Variants in KDM4C observed in about 807,000 individuals in gnomAD.
The protein encoded by KDM4C is lysine demethylase 4C, also known as lysine-specific demethylase 4C.
Under a neutral mutation model 129.3 loss-of-function variants are expected in KDM4C, and 81 were observed. The ratio of observed to expected loss-of-function variants is 0.63; its 90% confidence interval spans 0.52 to 0.75. The LOEUF is 0.75. Among genes scored for constraint, KDM4C ranks in the 30% least tolerant of loss-of-function variants. The pLI is 0.00. For missense variants in KDM4C, 1,457 were observed against 1,304.0 expected, an observed-to-expected ratio of 1.12 and a Z score of -1.81; for synonymous variants, 573 against 456.1, an observed-to-expected ratio of 1.26 and a Z score of -3.26.
intron 4 of KDM4C, among the ~76,000 whole-genome samples, chr9:6,838,620 T>G (rs1209259768): frequency 6.6e-6 from 1 of 152,238 alleles, no homozygotes; most frequent in Non-Finnish European, 1.5e-5. Context: ...GAATTATTTT[T>G]CTTTCAAAAC....
At chr9:6,917,877 C>G (rs1820610952) in intron 8 of KDM4C, among the ~76,000 whole-genome samples, 1 of 152,170 alleles carries the variant, frequency 6.6e-6, no homozygotes, top group Admixed American at 6.5e-5. Context: ...ACCCCAGCCC[C>G]TCTTGCAACT....
At chr9:6,917,665 G>T (rs1199445190) in intron 8 of KDM4C, among the ~76,000 whole-genome samples, 1 of 152,098 alleles carries the variant, frequency 6.6e-6, no homozygotes, top group African/African-American at 2.4e-5. Context: ...GAGTTCGTTG[G>T]CTCTCCCTCT....
intron 1 of KDM4C, among the ~76,000 whole-genome samples, chr9:6,736,934 C>T (rs905440587): frequency 2.6e-5 from 4 of 151,236 alleles, no homozygotes; most frequent in African/African-American, 9.7e-5. Context: ...ACATGTAGTC[C>T]CAGATACTTG....
intron 18 of KDM4C, among the ~76,000 whole-genome samples, chr9:7,108,039 C>A (rs1837895402): frequency 1.3e-5 from 2 of 152,134 alleles, no homozygotes; most frequent in African/African-American, 4.8e-5. Flanking sequence ...TTCACATATG[C>A]ACCTTATTCA....
chr9:7,055,441 A>T (rs749374337), intron 17 of KDM4C, among the ~76,000 whole-genome samples: 25 of 152,204 alleles, frequency 1.6e-4, no homozygotes, highest in Non-Finnish European at 7.3e-5. Context: ...AGTGAAGAAC[A>T]TTATTTTGAA....
intron 17 of KDM4C, chr9:7,076,301 C>A (rs1587481876): frequency 4.9e-6 from 3 of 606,550 alleles, no homozygotes; most frequent in African/African-American, 3.7e-5. Context: ...ACAGTTTATT[C>A]AAGGAATACA....
rs1318926922 is a variant in KDM4C, at chr9:6,990,411, A to G, written c.1678-5A>G. On this transcript the variant is annotated splice_polypyrimidine_tract_variant and splice_region_variant and intron_variant, in intron 11 of 21. Coordinates refer to ENST00000381309, the MANE Select transcript of KDM4C (RefSeq NM_015061.6). The stretch of plus-strand genomic sequence containing the variant: ...ATTTCTCCACCATTTTTGTTCTATA[A>G]CTAGATAGCAGAGGGAGAGAACAAA... 3.1e-6 allele frequency: 5 copies of G among 1,595,658 alleles called. No individual in the cohort carries two copies. The highest frequency in any genetic ancestry group is 1.1e-5 in the South Asian group (1 of 89,960).
intron 8 of KDM4C, among the ~76,000 whole-genome samples, chr9:6,980,331 A>G (rs1033644832): frequency 1.3e-5 from 2 of 152,066 alleles, no homozygotes; most frequent in African/African-American, 2.4e-5. Context: ...CCTTTACCCC[A>G]TGTCTTCATT....
At chr9:6,963,950 G>C (rs1240491653) in intron 8 of KDM4C, among the ~76,000 whole-genome samples, 2 of 152,150 alleles carry the variant, frequency 1.3e-5, no homozygotes, top group Admixed American at 6.5e-5. Flanking sequence ...TTTGAAAAAT[G>C]GTTAGAAAGC....
chr9:6,953,683 A>G (rs1472534070), intron 8 of KDM4C, among the ~76,000 whole-genome samples: 1 of 152,240 alleles, frequency 6.6e-6, no homozygotes, highest in Non-Finnish European at 1.5e-5. Flanking sequence ...ATCCTCAGAT[A>G]TGATTTGTGA....
At chr9:6,842,718 A>T (rs1484187364) in intron 4 of KDM4C, among the ~76,000 whole-genome samples, 1 of 152,198 alleles carries the variant, frequency 6.6e-6, no homozygotes, top group Non-Finnish European at 1.5e-5. Context: ...ATCTGGCAGC[A>T]TTCCCAGTGA....
chr9:6,868,192 A>T (rs1041942882), intron 5 of KDM4C, among the ~76,000 whole-genome samples: 2 of 151,984 alleles, frequency 1.3e-5, no homozygotes, highest in Non-Finnish European at 2.9e-5. Context: ...GAAAGAACTC[A>T]GCTCGAGCTT....
chr9:6,738,135 A>AAAACTAAGCTAAACT (rs1398432268), intron 1 of KDM4C, among the ~76,000 whole-genome samples: 12 of 142,302 alleles, frequency 8.4e-5, no homozygotes, highest in African/African-American at 2.9e-4. Context: ...CTCCCTCTCA[A>AAAACTAAGCTAAACT]AAACTAAACT....
chr9:7,174,803 G>C lies in KDM4C; in HGVS notation c.*74G>C. 2.2e-6 allele frequency: 3 copies of C among 1,352,390 alleles called. No individual in the cohort carries two copies. The highest frequency in any genetic ancestry group is 4.6e-5 in the East Asian group (2 of 43,286). The allele number at this position is 1,352,390 out of a possible 1,614,324, so 83.8% of individuals were successfully genotyped here. On this transcript the variant is annotated 3_prime_UTR_variant, in exon 22 of 22. Coordinates refer to ENST00000381309, the MANE Select transcript of KDM4C (RefSeq NM_015061.6). ...AAGATGAAGGGACATCCTTGGGGCT[G>C]TGCCGTGAGTTTTGCTGGCATAGGT...
chr9:7,160,721 C>T (rs1009572796), intron 19 of KDM4C, among the ~76,000 whole-genome samples: 1 of 152,128 alleles, frequency 6.6e-6, no homozygotes, highest in East Asian at 1.9e-4. Flanking sequence ...AGAAGGGGAG[C>T]CACCTATATG....
intron 1 of KDM4C, among the ~76,000 whole-genome samples, chr9:6,745,989 AC>A (rs760538400): frequency 4.3e-4 from 65 of 151,868 alleles, no homozygotes; most frequent in Admixed American, 7.9e-4. Flanking sequence ...TGTTTTTAGT[AC>A]AGACGGGGTT....
chr9:7,000,037 A>G (rs1820446211), intron 12 of KDM4C, among the ~76,000 whole-genome samples: 1 of 152,232 alleles, frequency 6.6e-6, no homozygotes, highest in Non-Finnish European at 1.5e-5. Flanking sequence ...ATGTTTGTTG[A>G]TAGGTCACAG....
At chr9:7,133,277 G>C (rs887242291) in intron 19 of KDM4C, among the ~76,000 whole-genome samples, 4 of 151,980 alleles carry the variant, frequency 2.6e-5, no homozygotes, top group Admixed American at 6.6e-5. Flanking sequence ...TTGAAATTTG[G>C]AGTTAGAAGA....
intron 17 of KDM4C, chr9:7,076,474 A>C: frequency 6.4e-7 from 1 of 1,550,780 alleles, no homozygotes; most frequent in African/African-American, 1.4e-5. Flanking sequence ...TAACAACAAC[A>C]ACAATAACAA....
Sources: gnomAD v4.1 joint callset for allele counts (sites outside exome capture counted in the v4.1 genomes callset) on GRCh38, gnomAD v4.1.1 for gene constraint, MANE v1.5 for transcripts, NCBI Gene and HGNC (gene_info 2026-07-23, HGNC 2026-07-21) for gene names.